The following RNF150 variants were observed in gnomAD, a reference collection of about 807,000 sequenced individuals.
RNF150 encodes the protein ring finger protein 150.
Under a neutral mutation model 39.3 loss-of-function variants are expected in RNF150, and 24 were observed. That is an observed-to-expected ratio of 0.61 (90% CI 0.44 to 0.86). The LOEUF is 0.86. Among genes scored for constraint, RNF150 ranks in the 40% least tolerant of loss-of-function variants. The pLI is 0.00. For synonymous variants in RNF150, 255 were observed against 227.3 expected (o/e 1.12, Z -1.10); for missense variants, 502 against 587.8 (o/e 0.85, Z 1.51).
intron 1 of RNF150, among the ~76,000 whole-genome samples, chr4:141,195,885 G>A (rs970390094): frequency 2.0e-5 from 3 of 152,130 alleles, no homozygotes; most frequent in Non-Finnish European, 4.4e-5. Context: ...AGTTATAGGC[G>A]CCTCATTAAA....
At chr4:141,035,763 G>A (rs377340209) in intron 1 of RNF150, among the ~76,000 whole-genome samples, 13 of 152,040 alleles carry the variant, frequency 8.6e-5, no homozygotes, top group African/African-American at 3.1e-4. Flanking sequence ...TTAAAATAAT[G>A]GTATGTGGAA....
chr4:140,996,513 C>T (rs57939124), intron 1 of RNF150, among the ~76,000 whole-genome samples: 11,553 of 152,248 alleles, frequency 0.076, 500 homozygotes, highest in Middle Eastern at 0.16. Context: ...AGCTGTGTGA[C>T]TTGGGCATTT....
rs554878987 is a variant in RNF150, at chr4:141,012,297, G to T, written c.485-44424C>A. On this transcript the variant is annotated intron_variant, in intron 1 of 6. Coordinates refer to ENST00000515673, the MANE Select transcript of RNF150 (RefSeq NM_020724.2). ...AGGCTGCTGGTCCTGACCGGGCTGG[G>T]TTACAATAAGAAGCTGGCTGTGAAG... Among the ~76,000 whole-genome samples the T allele has an allele frequency of 8.3e-4, 127 of 152,274 alleles. 3 individuals carry two copies. The South Asian group carries it at 0.026, about 31-fold the overall frequency.
At chr4:140,926,542 T>C (rs1050614944) in intron 4 of RNF150, among the ~76,000 whole-genome samples, 5 of 152,248 alleles carry the variant, frequency 3.3e-5, no homozygotes, top group South Asian at 2.1e-4. Flanking sequence ...AAAGAGCTCC[T>C]GAAAGCATTC....
At chr4:141,166,098 T>TA (rs1174498313) in intron 1 of RNF150, among the ~76,000 whole-genome samples, 1 of 151,680 alleles carries the variant, frequency 6.6e-6, no homozygotes, top group Non-Finnish European at 1.5e-5. Flanking sequence ...ATAGACACAA[T>TA]AAAAAATGAT....
At chr4:141,181,582 A>T (rs1277495075) in intron 1 of RNF150, among the ~76,000 whole-genome samples, 1 of 152,204 alleles carries the variant, frequency 6.6e-6, no homozygotes, top group East Asian at 1.9e-4. Flanking sequence ...ATGCATAGAC[A>T]TTCCTACTGA....
At chr4:140,985,548 G>A (rs1733991020) in intron 1 of RNF150, among the ~76,000 whole-genome samples, 1 of 151,950 alleles carries the variant, frequency 6.6e-6, no homozygotes, top group African/African-American at 2.4e-5. Flanking sequence ...AAACAAATTA[G>A]GTATGAAAAT....
At chr4:140,947,336 C>G (rs987273258) in intron 4 of RNF150, among the ~76,000 whole-genome samples, 2 of 152,142 alleles carry the variant, frequency 1.3e-5, no homozygotes, top group African/African-American at 4.8e-5. Flanking sequence ...TTCTGAACAT[C>G]ATAGATCTGT....
chr4:141,012,646 G>C (rs559459975), intron 1 of RNF150, among the ~76,000 whole-genome samples: 553 of 151,894 alleles, frequency 3.6e-3, no homozygotes, highest in African/African-American at 0.013. Flanking sequence ...AGCCGGGAGT[G>C]GTGGCACGTG....
upstream of RNF150, among the ~76,000 whole-genome samples, chr4:141,138,326 A>C (rs1478145587): frequency 6.6e-6 from 1 of 152,182 alleles, no homozygotes; most frequent in African/African-American, 2.4e-5. Context: ...GCAATCAAAC[A>C]GGCATTTTTT....
rs750694698 is a variant in RNF150, at chr4:141,132,373, A to T, written c.436T>A (p.Phe146Ile). The stretch of plus-strand genomic sequence containing the variant: ...TCGTTGGTGTTGGAGCCCACGTTGA[A>T]GATGACCACGGCTGAGGCGTTCTGC... ...FLQNASAVVI[F>I]NVGSNTNETI... is the part of the protein sequence containing the mutation. Residue 146 changes from phenylalanine (F) to isoleucine (I), a missense_variant, in exon 1 of 7, where the codon TTC (phenylalanine) becomes ATC (isoleucine). By Grantham distance (21) the Phe-to-Ile change is conservative. Transcript: ENST00000515673. This position sits in a 1 kb window ranked among gnomAD's most constrained non-coding sequence, Gnocchi z 4.9. The T allele has an allele frequency of 8.1e-6, 13 of 1,598,906 alleles. No homozygotes were observed. The East Asian group carries it at 2.7e-4, about 33-fold the overall frequency.
chr4:141,097,225 C>T (rs944928092), intron 1 of RNF150, among the ~76,000 whole-genome samples: 1 of 152,154 alleles, frequency 6.6e-6, no homozygotes, highest in Non-Finnish European at 1.5e-5. Context: ...CTTGTGTGCA[C>T]CTCCATACCA....
chr4:141,200,254 T>C (rs959433412), intron 1 of RNF150, among the ~76,000 whole-genome samples: 3 of 152,104 alleles, frequency 2.0e-5, no homozygotes, highest in Non-Finnish European at 2.9e-5. Flanking sequence ...TCTCATATAG[T>C]GGAAAAGGTG....
intron 1 of RNF150, among the ~76,000 whole-genome samples, chr4:140,986,862 C>T (rs931201277): frequency 6.6e-6 from 1 of 151,916 alleles, no homozygotes; most frequent in East Asian, 1.9e-4. Flanking sequence ...TGATTACATA[C>T]CTAGAAAACC....
chr4:140,891,453 G>C (rs963856608), intron 6 of RNF150, among the ~76,000 whole-genome samples: 1 of 152,194 alleles, frequency 6.6e-6, no homozygotes, highest in Non-Finnish European at 1.5e-5. Context: ...AACTGGGAAG[G>C]CTGGACAGTG....
chr4:141,211,164 G>A (rs547649460), intron 1 of RNF150, among the ~76,000 whole-genome samples: 1 of 152,236 alleles, frequency 6.6e-6, no homozygotes, highest in South Asian at 2.1e-4. Flanking sequence ...TGCATTTTCT[G>A]ACTGATATAT....
intron 1 of RNF150, among the ~76,000 whole-genome samples, chr4:141,025,581 G>A (rs1735666113): frequency 6.6e-6 from 1 of 152,014 alleles, no homozygotes; most frequent in African/African-American, 2.4e-5. Context: ...GTAAATTTGA[G>A]TTTACATAGA....
intron 1 of RNF150, among the ~76,000 whole-genome samples, chr4:141,040,565 T>A (rs17006821): frequency 0.024 from 3,593 of 152,218 alleles, 142 homozygotes; most frequent in African/African-American, 0.08. Context: ...GGTGATCAAA[T>A]AACTTATTGT....
At chr4:140,965,564 T>A (rs995669968) in intron 2 of RNF150, among the ~76,000 whole-genome samples, 1 of 152,122 alleles carries the variant, frequency 6.6e-6, no homozygotes, top group Non-Finnish European at 1.5e-5. Flanking sequence ...AATGGATTAT[T>A]ATTGTTTATT....
Sources: allele counts gnomAD v4.1 joint callset (sites outside exome capture counted in the v4.1 genomes callset), GRCh38; gene constraint gnomAD v4.1.1; non-coding constraint Gnocchi (gnomAD v3.1); transcripts MANE v1.5; gene names NCBI Gene and HGNC (gene_info 2026-07-23, HGNC 2026-07-21).